GRID2: variants seen among roughly 807,000 people sequenced by gnomAD.
GRID2 encodes the protein glutamate ionotropic receptor delta type subunit 2.
In GRID2, 33 loss-of-function variants were observed where a neutral mutation model predicts 114.8. The ratio of observed to expected loss-of-function variants is 0.29; its 90% CI spans 0.22 to 0.38. GRID2 has a LOEUF of 0.38. Among genes scored for constraint, GRID2 ranks in the 10% least tolerant of loss-of-function variants. GRID2 has a pLI of 1.00. For synonymous variants in GRID2, 505 were observed against 449.9 expected (o/e 1.12, Z -1.55); for missense variants, 1,184 against 1,257.7 (o/e 0.94, Z 0.89).
chr4:92,611,813 C>T (rs374328524), intron 2 of GRID2, among the ~76,000 whole-genome samples: 4 of 151,362 alleles, frequency 2.6e-5, no homozygotes, highest in African/African-American at 9.7e-5. Context: ...AGTGCTTGTT[C>T]CAATCATGCA....
In GRID2 at chr4:92,794,874, T is replaced by TTATATATATATA. The variant is rs34559735; in HGVS notation, c.244+204609_244+204620dup. 4.2e-3 allele frequency among the ~76,000 whole-genome samples: 446 copies of TTATATATATATA among 105,940 alleles called. 2 individuals carry two copies. Among genetic ancestry groups the TTATATATATATA allele is most frequent in the African/African-American group, 6.5e-3 (156 of 23,968 alleles). The allele number at this position is 105,940 out of a possible 152,430, so 69.5% of individuals were successfully genotyped here. On this transcript the variant is annotated intron_variant, in intron 2 of 15. Coordinates refer to ENST00000282020, the MANE Select transcript of GRID2 (RefSeq NM_001510.4). ...CAGAGTCATTTAATAAATAATTGTT[T>TTATATATATATA]TATATATATATATATATATATATAT...
chr4:92,690,940 G>T (rs1478113857), intron 2 of GRID2, among the ~76,000 whole-genome samples: 3 of 152,070 alleles, frequency 2.0e-5, no homozygotes, highest in Non-Finnish European at 2.9e-5. Flanking sequence ...AACAAAAATA[G>T]TTGGAAGGAG....
chr4:93,362,510 C>A (rs11726712), intron 8 of GRID2, among the ~76,000 whole-genome samples: 1 of 151,674 alleles, frequency 6.6e-6, no homozygotes, highest in Admixed American at 6.6e-5. Context: ...TTCTTTTACC[C>A]TTTACACAGT....
At chr4:93,755,581 G>A (rs1233812514) in intron 14 of GRID2, among the ~76,000 whole-genome samples, 2 of 152,132 alleles carry the variant, frequency 1.3e-5, no homozygotes, top group Non-Finnish European at 2.9e-5. Context: ...ATTTACATGT[G>A]TACTTAAGGA....
intron 8 of GRID2, among the ~76,000 whole-genome samples, chr4:93,375,130 C>T (rs1366978021): frequency 6.6e-6 from 1 of 152,024 alleles, no homozygotes; most frequent in Non-Finnish European, 1.5e-5. Context: ...CTTTCCGTTG[C>T]CTCTACCCAG....
At chr4:93,297,115 G>GA (rs1422036555) in intron 8 of GRID2, among the ~76,000 whole-genome samples, 2 of 152,124 alleles carry the variant, frequency 1.3e-5, no homozygotes, top group African/African-American at 2.4e-5. Flanking sequence ...AGAGATGATA[G>GA]AAAAAAGTCT....
intron 2 of GRID2, among the ~76,000 whole-genome samples, chr4:93,055,848 C>T (rs1173021282): frequency 6.6e-6 from 1 of 151,904 alleles, no homozygotes; most frequent in Non-Finnish European, 1.5e-5. Flanking sequence ...TTTCTTGCTA[C>T]TATTTAGCTA....
At chr4:92,934,235 A>G (rs989370061) in intron 2 of GRID2, among the ~76,000 whole-genome samples, 1 of 151,672 alleles carries the variant, frequency 6.6e-6, no homozygotes, top group South Asian at 2.1e-4. Flanking sequence ...GTTCTCCTTG[A>G]AGAGATCCTT....
chr4:93,372,830 T>G (rs1288831616), intron 8 of GRID2, among the ~76,000 whole-genome samples: 1 of 152,198 alleles, frequency 6.6e-6, no homozygotes, highest in Non-Finnish European at 1.5e-5. Context: ...AGAGTCTCAC[T>G]ACTAATGCCC....
intron 3 of GRID2, among the ~76,000 whole-genome samples, chr4:93,096,661 C>T (rs1176495359): frequency 6.6e-6 from 1 of 151,944 alleles, no homozygotes; most frequent in Admixed American, 6.6e-5. Context: ...AATCTGCATC[C>T]ACTAGATTGG....
intron 1 of GRID2, among the ~76,000 whole-genome samples, chr4:92,544,398 T>C (rs760016394): frequency 3.3e-5 from 5 of 152,168 alleles, no homozygotes; most frequent in Admixed American, 6.6e-5. Flanking sequence ...TGTCATTCAA[T>C]TTGATTCTGT....
intron 8 of GRID2, 102 bp downstream of exon 8, chr4:93,238,592 G>T: frequency 3.3e-6 from 3 of 903,080 alleles, no homozygotes; most frequent in East Asian, 3.1e-5. Context: ...AGTCAATATT[G>T]TAGTGTGAAA....
chr4:93,586,100 A>G (rs972507340), intron 13 of GRID2, among the ~76,000 whole-genome samples: 1 of 152,048 alleles, frequency 6.6e-6, no homozygotes, highest in Admixed American at 6.6e-5. Flanking sequence ...AGCACATTTT[A>G]TGCTTGACTA....
At position 93,461,547 on chromosome 4, in the gene GRID2, G is replaced by C. The variant is rs150472117; in HGVS notation, c.1858+5573G>C. 2.0e-3 allele frequency among the ~76,000 whole-genome samples: 308 copies of C among 152,218 alleles called. 4 individuals carry two copies. Among genetic ancestry groups the C allele is most frequent in the African/African-American group, 6.9e-3 (288 of 41,562 alleles). On this transcript the variant is annotated intron_variant, in intron 11 of 15. Coordinates refer to ENST00000282020, the MANE Select transcript of GRID2 (RefSeq NM_001510.4). ...TATCAGACAGATTTCTAAAAAAAGA[G>C]TTCACGGACAGCCAAAAGCAGAAAA...
intron 1 of GRID2, among the ~76,000 whole-genome samples, chr4:92,437,042 G>A (rs1469475171): frequency 1.3e-5 from 2 of 152,092 alleles, no homozygotes; most frequent in African/African-American, 4.8e-5. Flanking sequence ...TAAAATGTGA[G>A]TAAATTTTGA....
chr4:93,465,119 A>C (rs948205410), intron 11 of GRID2, among the ~76,000 whole-genome samples: 1 of 152,220 alleles, frequency 6.6e-6, no homozygotes, highest in Non-Finnish European at 1.5e-5. Flanking sequence ...GCTCCATCAT[A>C]GAATCACAAT....
chr4:92,859,856 T>C (rs1410599840), intron 2 of GRID2, among the ~76,000 whole-genome samples: 2 of 152,172 alleles, frequency 1.3e-5, no homozygotes, highest in East Asian at 1.9e-4. Flanking sequence ...AATTTCTTCA[T>C]TGTGGGCATT....
intron 2 of GRID2, among the ~76,000 whole-genome samples, chr4:92,786,462 C>T (rs1739325050): frequency 6.6e-6 from 1 of 151,794 alleles, no homozygotes; most frequent in East Asian, 1.9e-4. Context: ...ACTCTATATT[C>T]TTTTTAGCCC....
intron 2 of GRID2, among the ~76,000 whole-genome samples, chr4:92,657,755 A>G (rs553605783): frequency 2.0e-5 from 3 of 151,838 alleles, no homozygotes; most frequent in South Asian, 2.1e-4. Flanking sequence ...TATTGAAAAA[A>G]TCCTTAGACA....
Sources: allele counts gnomAD v4.1 joint callset (sites outside exome capture counted in the v4.1 genomes callset), GRCh38; gene constraint gnomAD v4.1.1; transcripts MANE v1.5; gene names NCBI Gene and HGNC (gene_info 2026-07-23, HGNC 2026-07-21).